The following HUNK variants were observed in gnomAD, a reference collection of about 807,000 sequenced individuals.
HUNK encodes hormonally up-regulated Neu-associated kinase, also known as hormonally up-regulated neu tumor-associated kinase.
In HUNK, 21 loss-of-function variants were observed where a neutral mutation model predicts 61.0. The ratio of observed to expected loss-of-function variants is 0.34; its 90% CI spans 0.24 to 0.50. The LOEUF (loss-of-function observed/expected upper bound fraction) is 0.50, where lower values mean the gene tolerates loss of function less well. Among genes scored for constraint, HUNK ranks in the 20% least tolerant of loss-of-function variants. The pLI, the probability that HUNK is intolerant of heterozygous loss-of-function variation, is 0.98. For synonymous variants in HUNK, 371 were observed against 386.1 expected (o/e 0.96, Z 0.46); for missense variants, 772 against 945.7 (o/e 0.82, Z 2.41).
chr21:31,920,041 G>A (rs1298568335), intron 1 of HUNK, among the ~76,000 whole-genome samples: 8 of 152,154 alleles, frequency 5.3e-5, no homozygotes, highest in Non-Finnish European at 4.4e-5. Context: ...GCAGGGCCAC[G>A]CTCCCTCCAG....
At chr21:31,980,121 G>T (rs951477275) in intron 7 of HUNK, among the ~76,000 whole-genome samples, 1 of 152,042 alleles carries the variant, frequency 6.6e-6, no homozygotes, top group Non-Finnish European at 1.5e-5. Flanking sequence ...ACCCAAGCTG[G>T]AGTGCAGTGG....
intron 1 of HUNK, among the ~76,000 whole-genome samples, chr21:31,912,770 C>G (rs1164517442): frequency 6.6e-6 from 1 of 152,134 alleles, no homozygotes; most frequent in South Asian, 2.1e-4. Context: ...GTTTGGAACT[C>G]CTGGGCTCAA....
At chr21:31,971,153 A>C (rs1339584989) in intron 6 of HUNK, among the ~76,000 whole-genome samples, 1 of 152,058 alleles carries the variant, frequency 6.6e-6, no homozygotes, top group African/African-American at 2.4e-5. Context: ...ATCTCGGCTC[A>C]CTGCAACCTC....
intron 1 of HUNK, among the ~76,000 whole-genome samples, chr21:31,892,176 TATATAG>T (rs2052393761): frequency 9.4e-5 from 11 of 116,456 alleles, no homozygotes; most frequent in East Asian, 2.9e-4. Context: ...TATATATATA[TATATAG>T]AGAGAGAGAG....
At chr21:31,978,120 T>G (rs559782261) in intron 7 of HUNK, among the ~76,000 whole-genome samples, 67 of 152,232 alleles carry the variant, frequency 4.4e-4, no homozygotes, top group Non-Finnish European at 9.0e-4. Context: ...CTTTGTCATC[T>G]GAGAACATTC....
chr21:31,943,441 G>A (rs1211006164), intron 3 of HUNK, among the ~76,000 whole-genome samples: 1 of 152,188 alleles, frequency 6.6e-6, no homozygotes, highest in East Asian at 1.9e-4. Context: ...ACAGACCCAT[G>A]TGACATTGCT....
intron 7 of HUNK, among the ~76,000 whole-genome samples, chr21:31,975,779 T>C (rs1438330843): frequency 6.6e-6 from 1 of 152,174 alleles, no homozygotes; most frequent in Non-Finnish European, 1.5e-5. Context: ...TACCTGCAGT[T>C]GGGGAAATGA....
chr21:31,963,675 G>A (rs973568506), intron 5 of HUNK, among the ~76,000 whole-genome samples: 1 of 151,664 alleles, frequency 6.6e-6, no homozygotes, highest in African/African-American at 2.4e-5. Context: ...TTTTTTTGGT[G>A]GGGGGTATAT....
At position 31,874,559 on chromosome 21, in the gene HUNK, C is replaced by G. The variant is rs143638574; in HGVS notation, c.261+624C>G. On this transcript the variant is annotated intron_variant, in intron 1 of 10. Coordinates refer to ENST00000270112, the MANE Select transcript of HUNK (RefSeq NM_014586.2). ...ACTTGTCCATCCCTCAACCTGTGCT[C>G]CTCTCTATCCACTCAACCCTCCCAC... is the stretch of plus-strand genomic sequence containing the variant. Among the ~76,000 whole-genome samples the G allele has an allele frequency of 7.2e-5, 11 of 152,108 alleles. No individual in the cohort carries two copies. In the East Asian group the frequency reaches 1.7e-3, roughly 24 times the overall value.
chr21:31,929,549 G>A (rs541611872), intron 2 of HUNK, among the ~76,000 whole-genome samples: 3 of 152,214 alleles, frequency 2.0e-5, no homozygotes, highest in East Asian at 3.9e-4. Context: ...CACCAAGAAC[G>A]CCGATTCTGC....
intron 3 of HUNK, among the ~76,000 whole-genome samples, chr21:31,944,618 G>A (rs976110062): frequency 3.3e-5 from 5 of 151,962 alleles, no homozygotes; most frequent in African/African-American, 9.7e-5. Context: ...GGGAGGGTTG[G>A]GGAGGGAAGA....
rs186900272 is a variant in HUNK at position 31,960,467 on chromosome 21, T to C, written c.874+1497T>C. Among the ~76,000 whole-genome samples the C allele has an allele frequency of 5.3e-5, 8 of 151,866 alleles. No individual in the cohort carries two copies. In the South Asian group the frequency reaches 6.2e-4, roughly 12 times the overall value. On this transcript the variant is annotated intron_variant, in intron 5 of 10. Coordinates refer to ENST00000270112, the MANE Select transcript of HUNK (RefSeq NM_014586.2). Reference sequence around the variant, plus strand: ...ATGCACACACAATTGCTAGAAATAATACAAAGAGATCCAAACAGCCTTCAT... The same window carrying C: ...ATGCACACACAATTGCTAGAAATAACACAAAGAGATCCAAACAGCCTTCAT...
chr21:31,966,002 T>A (rs2052963628), intron 5 of HUNK, among the ~76,000 whole-genome samples: 1 of 152,170 alleles, frequency 6.6e-6, no homozygotes, highest in African/African-American at 2.4e-5. Flanking sequence ...TTTGGGTGCA[T>A]CCATCGCCTG....
intron 7 of HUNK, among the ~76,000 whole-genome samples, chr21:31,980,861 T>C (rs1055180047): frequency 9.9e-5 from 15 of 152,226 alleles, no homozygotes; most frequent in African/African-American, 3.6e-4. Flanking sequence ...TGCGCCACCA[T>C]GCCCAGGTAA....
At chr21:31,982,670 C>T (rs2053105754) in intron 7 of HUNK, among the ~76,000 whole-genome samples, 1 of 152,136 alleles carries the variant, frequency 6.6e-6, no homozygotes, top group African/African-American at 2.4e-5. Context: ...CCTTCCTCAG[C>T]TTAGGTGCAG....
chr21:31,927,580 C>G (rs1004473255), intron 2 of HUNK, among the ~76,000 whole-genome samples: 37 of 151,980 alleles, frequency 2.4e-4, no homozygotes, highest in Admixed American at 2.2e-3. Context: ...GAAGGCAGAG[C>G]TTGCAGTGAG....
chr21:31,975,501 C>A (rs1044830131), intron 7 of HUNK, among the ~76,000 whole-genome samples: 14 of 152,214 alleles, frequency 9.2e-5, no homozygotes, highest in African/African-American at 3.4e-4. Context: ...CCAGCTCTAA[C>A]AGGGAGTCAG....
At chr21:31,923,292 T>C (rs1160723985) in intron 1 of HUNK, among the ~76,000 whole-genome samples, 1 of 151,516 alleles carries the variant, frequency 6.6e-6, no homozygotes, top group African/African-American at 2.4e-5. Flanking sequence ...AAGAAAAAAA[T>C]TAGCCAGCCG....
chr21:31,953,815 A>G (rs1027680748), intron 4 of HUNK, among the ~76,000 whole-genome samples: 1 of 152,104 alleles, frequency 6.6e-6, no homozygotes, highest in Non-Finnish European at 1.5e-5. Context: ...CATTGATGAT[A>G]AATTCCTCCA....
Sources: gnomAD v4.1 joint callset for allele counts (sites outside exome capture counted in the v4.1 genomes callset) on GRCh38, gnomAD v4.1.1 for gene constraint, MANE v1.5 for transcripts, NCBI Gene and HGNC (gene_info 2026-07-23, HGNC 2026-07-21) for gene names.